Variants in ELMO1 observed in about 807,000 individuals in gnomAD.
ELMO1 encodes engulfment and cell motility protein 1.
A neutral mutation model predicts 98.9 loss-of-function variants in ELMO1; 26 were observed. The observed-to-expected ratio is 0.26, with a 90% confidence interval of 0.19 to 0.36. ELMO1 has a LOEUF of 0.36. ELMO1 is among the 10% of genes least tolerant of loss of function. The probability of loss-of-function intolerance (pLI) is 1.00; values close to 1 mark genes in which losing one functional copy is unlikely to be tolerated. For missense variants in ELMO1, 627 were observed against 935.2 expected, an observed-to-expected ratio of 0.67 and a Z score of 4.30; for synonymous variants, 346 against 346.0, an observed-to-expected ratio of 1.00 and a Z score of 0.00.
intron 16 of ELMO1, among the ~76,000 whole-genome samples, chr7:36,956,320 G>T (rs943932848): frequency 6.6e-6 from 1 of 152,166 alleles, no homozygotes; most frequent in Non-Finnish European, 1.5e-5. Flanking sequence ...ATCCATTGAT[G>T]ATTTTCTTAT....
intron 15 of ELMO1, among the ~76,000 whole-genome samples, chr7:37,034,733 CTTTGAT>C (rs1795083581): frequency 6.6e-6 from 1 of 152,000 alleles, no homozygotes; most frequent in Non-Finnish European, 1.5e-5. Context: ...GTTTCAGTTT[CTTTGAT>C]TTTGAACTTA....
chr7:37,048,621 C>G (rs1310750955), intron 15 of ELMO1, among the ~76,000 whole-genome samples: 1 of 152,142 alleles, frequency 6.6e-6, no homozygotes, highest in African/African-American at 2.4e-5. Context: ...GGCAAATAAA[C>G]CAAACAAGTA....
intron 16 of ELMO1, among the ~76,000 whole-genome samples, chr7:36,977,282 C>G (rs977536285): frequency 1.3e-5 from 2 of 152,118 alleles, no homozygotes; most frequent in South Asian, 4.1e-4. Flanking sequence ...TTTAAGAAAT[C>G]CCATTAAAGG....
intron 15 of ELMO1, among the ~76,000 whole-genome samples, chr7:37,063,909 C>G (rs1041380970): frequency 6.6e-6 from 1 of 152,202 alleles, no homozygotes; most frequent in Non-Finnish European, 1.5e-5. Context: ...GCCACCACAA[C>G]CACTTTCTCC....
intron 14 of ELMO1, among the ~76,000 whole-genome samples, chr7:37,123,144 A>G (rs1185147409): frequency 6.6e-6 from 1 of 152,196 alleles, no homozygotes; most frequent in Non-Finnish European, 1.5e-5. Flanking sequence ...CAGTGTGTAG[A>G]GGGAAATTTA....
intron 5 of ELMO1, among the ~76,000 whole-genome samples, chr7:37,259,996 A>T (rs567318388): frequency 6.6e-6 from 1 of 152,342 alleles, no homozygotes; most frequent in African/African-American, 2.4e-5. Flanking sequence ...GCCTAGAATT[A>T]CTTTTAAGGC....
At chr7:37,083,833 G>A (rs1228583007) in intron 15 of ELMO1, among the ~76,000 whole-genome samples, 1 of 152,198 alleles carries the variant, frequency 6.6e-6, no homozygotes, top group Non-Finnish European at 1.5e-5. Flanking sequence ...CTGGTGGATA[G>A]GAGCACCTGC....
chr7:37,089,045 T>C (rs1783929478), intron 15 of ELMO1, among the ~76,000 whole-genome samples: 2 of 152,216 alleles, frequency 1.3e-5, no homozygotes, highest in South Asian at 4.1e-4. Context: ...GCTAATTTTC[T>C]TGAGTTTTCT....
At chr7:37,155,487 C>CAAAAAAAAAAAAAAAAAAAA (rs781745325) in intron 13 of ELMO1, among the ~76,000 whole-genome samples, 2 of 49,678 alleles carry the variant, frequency 4.0e-5, no homozygotes, top group African/African-American at 1.3e-4. Flanking sequence ...AAACGGAAAG[C>CAAAAAAAAAAAAAAAAAAAA]AAAAAAAAAA....
At chr7:37,246,918 AATT>A (rs1164792277) in intron 6 of ELMO1, among the ~76,000 whole-genome samples, 53 of 151,852 alleles carry the variant, frequency 3.5e-4, no homozygotes, top group African/African-American at 1.3e-3. Flanking sequence ...GCAGTGATTT[AATT>A]GACTTCCTTT....
chr7:37,068,235 G>A (rs1213519455), intron 15 of ELMO1, among the ~76,000 whole-genome samples: 1 of 152,106 alleles, frequency 6.6e-6, no homozygotes, highest in Non-Finnish European at 1.5e-5. Context: ...CCAGCTGTCC[G>A]GGTGAAACTC....
chr7:37,099,902 G>A (rs1418876663), intron 14 of ELMO1, among the ~76,000 whole-genome samples: 2 of 149,958 alleles, frequency 1.3e-5, no homozygotes, highest in Admixed American at 6.7e-5. Flanking sequence ...GCATAATCTC[G>A]GCTCGCTGCA....
rs542027476 is a variant in ELMO1, at chr7:37,097,311, G to C, written c.1192-584C>G. Reference sequence around the variant, plus strand: ...CCAGCACTGCGGGAGGCCGAGGCGGGCGGATCATTGGAGGTCAGGAGTTGG... The same window carrying C: ...CCAGCACTGCGGGAGGCCGAGGCGGCCGGATCATTGGAGGTCAGGAGTTGG... On this transcript the variant is annotated intron_variant, in intron 14 of 21. Transcript: ENST00000310758. 8.2e-4 allele frequency among the ~76,000 whole-genome samples: 125 copies of C among 152,346 alleles called. No individual in the cohort carries two copies. The Middle Eastern group carries it at 0.01, about 12-fold the overall frequency.
At chr7:37,162,384 GC>G (rs1344429202) in intron 13 of ELMO1, among the ~76,000 whole-genome samples, 1 of 152,100 alleles carries the variant, frequency 6.6e-6, no homozygotes, top group Non-Finnish European at 1.5e-5. Flanking sequence ...GCCAGCTCTG[GC>G]CCCTGAAACT....
intron 14 of ELMO1, among the ~76,000 whole-genome samples, chr7:37,131,173 T>A (rs1786895217): frequency 1.3e-5 from 2 of 151,948 alleles, no homozygotes; most frequent in African/African-American, 4.8e-5. Flanking sequence ...TAGCCTTAGC[T>A]TTCTATCTAG....
chr7:37,226,161 T>A (rs895539334), intron 8 of ELMO1, among the ~76,000 whole-genome samples: 3 of 152,152 alleles, frequency 2.0e-5, no homozygotes, highest in Non-Finnish European at 2.9e-5. Flanking sequence ...CTACCCCAGC[T>A]ACATCTGGAT....
At chr7:37,137,350 C>A (rs1057190379) in intron 13 of ELMO1, among the ~76,000 whole-genome samples, 1 of 152,130 alleles carries the variant, frequency 6.6e-6, no homozygotes, top group African/African-American at 2.4e-5. Context: ...CCACTGACAG[C>A]ACTAGAAAGG....
intron 15 of ELMO1, among the ~76,000 whole-genome samples, chr7:37,049,095 G>A (rs908511730): frequency 1.3e-5 from 2 of 152,078 alleles, no homozygotes; most frequent in African/African-American, 4.8e-5. Context: ...CTTCCCACTG[G>A]AATGGGAAGG....
intron 13 of ELMO1, among the ~76,000 whole-genome samples, chr7:37,169,143 C>T (rs1789964547): frequency 6.6e-6 from 1 of 152,332 alleles, no homozygotes; most frequent in East Asian, 1.9e-4. Flanking sequence ...ACCCTCCGAG[C>T]CAGGTGCGGG....
Sources: gnomAD v4.1 joint callset for allele counts (sites outside exome capture counted in the v4.1 genomes callset) on GRCh38, gnomAD v4.1.1 for gene constraint, MANE v1.5 for transcripts, NCBI Gene and HGNC (gene_info 2026-07-23, HGNC 2026-07-21) for gene names.